C3orf22: variants seen among roughly 807,000 people sequenced by gnomAD.
The protein encoded by C3orf22 is uncharacterized protein C3orf22.
Under a neutral mutation model 10.8 loss-of-function variants are expected in C3orf22, and 7 were observed. The ratio of observed to expected loss-of-function variants is 0.65; its 90% CI spans 0.37 to 1.22. The LOEUF (loss-of-function observed/expected upper bound fraction) is 1.22, where lower values mean the gene tolerates loss of function less well. Among genes scored for constraint, C3orf22 ranks in the 50% most tolerant of loss-of-function variants. The probability of loss-of-function intolerance (pLI) is 0.02; values close to 1 mark genes in which losing one functional copy is unlikely to be tolerated. For synonymous variants in C3orf22, 79 were observed against 78.9 expected (o/e 1.00, Z 0.00); for missense variants, 173 against 177.0 (o/e 0.98, Z 0.13).
chr3:126,532,557 T>A (rs1468675687), intron 4 of C3orf22, among the ~76,000 whole-genome samples: 1 of 152,220 alleles, frequency 6.6e-6, no homozygotes, highest in Non-Finnish European at 1.5e-5. Flanking sequence ...CTTGGCTCCC[T>A]CATCAATAAT....
downstream of C3orf22, among the ~76,000 whole-genome samples, chr3:126,547,416 C>T (rs1277116824): frequency 6.6e-6 from 1 of 152,234 alleles, no homozygotes; most frequent in African/African-American, 2.4e-5. Context: ...AAACTCAGTG[C>T]ACAAGGCAGG....
downstream of C3orf22, among the ~76,000 whole-genome samples, chr3:126,547,651 T>C (rs921507532): frequency 1.6e-4 from 25 of 152,128 alleles, no homozygotes; most frequent in Admixed American, 7.2e-4. Flanking sequence ...CTGCCTATAG[T>C]GCAGGTGTGG....
At chr3:126,533,918 AT>A (rs1325073442) in intron 4 of C3orf22, among the ~76,000 whole-genome samples, 1 of 151,856 alleles carries the variant, frequency 6.6e-6, no homozygotes, top group Non-Finnish European at 1.5e-5. Context: ...GTCTGCTGAG[AT>A]TTTATATTTC....
At chr3:126,548,474 G>A (rs1268598917), downstream of C3orf22, among the ~76,000 whole-genome samples, 1 of 152,242 alleles carries the variant, frequency 6.6e-6, no homozygotes, top group Non-Finnish European at 1.5e-5. Context: ...ATATCAAACA[G>A]TGCATAGCTT....
chr3:126,536,423 C>T (rs551179629), intron 4 of C3orf22: 10 of 1,217,546 alleles, frequency 8.2e-6, no homozygotes, highest in Non-Finnish European at 1.2e-5. Flanking sequence ...AGCAACAGTG[C>T]AGACCTGCTG....
chr3:126,549,770 A>T lies in C3orf22; in HGVS notation c.*98T>A, dbSNP rs2107578956. 2 of 1,513,218 alleles carry T rather than the reference A, an allele frequency of 1.3e-6. No individual in the cohort carries two copies. Among genetic ancestry groups the T allele is most frequent in the South Asian group, 2.6e-5 (2 of 75,592 alleles). The allele number at this position is 1,513,218 out of a possible 1,614,324, so 93.7% of individuals were successfully genotyped here. On this transcript the variant is annotated 3_prime_UTR_variant, in exon 4 of 4. Transcript: ENST00000318225. ...AAACCACTCCCGGTCTATGATGGCC[A>T]TGAAGGCTGATCCCTTTACTAAAGT... is the stretch of plus-strand genomic sequence containing the variant.
chr3:126,538,356 T>A (rs1936843430), intron 4 of C3orf22, among the ~76,000 whole-genome samples: 1 of 152,152 alleles, frequency 6.6e-6, no homozygotes, highest in Non-Finnish European at 1.5e-5. Context: ...AGAAAGTGAG[T>A]GGTGGGGTAA....
intron 5 of C3orf22, among the ~76,000 whole-genome samples, chr3:126,528,755 G>A (rs1209838982): frequency 2.0e-5 from 3 of 152,114 alleles, no homozygotes; most frequent in Non-Finnish European, 4.4e-5. Flanking sequence ...AATGGAGTTT[G>A]AACTAAATAC....
downstream of C3orf22, among the ~76,000 whole-genome samples, chr3:126,548,559 G>A (rs1301258110): frequency 6.6e-6 from 1 of 152,230 alleles, no homozygotes; most frequent in East Asian, 1.9e-4. Context: ...CTCACAGGAA[G>A]GGACCCCAGG....
chr3:126,554,039 A>G (rs1274914682), intron 1 of C3orf22, among the ~76,000 whole-genome samples: 3 of 152,154 alleles, frequency 2.0e-5, no homozygotes, highest in Non-Finnish European at 2.9e-5. Flanking sequence ...GTTTTGAGAC[A>G]AGGTCTTGAT....
intron 2 of C3orf22, 38 bp downstream of exon 2, chr3:126,553,264 A>G: frequency 7.0e-7 from 1 of 1,422,214 alleles, no homozygotes; most frequent in Non-Finnish European, 1.0e-6. Flanking sequence ...GACCTGGGGG[A>G]GGCAGGGCTT....
chr3:126,529,643 C>T (rs918879913), intron 4 of C3orf22, among the ~76,000 whole-genome samples: 4 of 152,148 alleles, frequency 2.6e-5, no homozygotes, highest in East Asian at 1.9e-4. Context: ...GCAGTCCCCA[C>T]CATGCTTTGT....
intron 4 of C3orf22, chr3:126,542,406 A>T: frequency 6.4e-7 from 1 of 1,556,408 alleles, no homozygotes; most frequent in Non-Finnish European, 8.7e-7. Flanking sequence ...GGCGCATCCG[A>T]CCTGAGCTTC....
At chr3:126,551,918 G>T in intron 3 of C3orf22, 79 bp downstream of exon 3, 1 of 1,477,922 alleles carries the variant, frequency 6.8e-7, no homozygotes, top group Non-Finnish European at 9.1e-7. Context: ...ATGAACGTCT[G>T]CATGCAAAAC....
chr3:126,529,227 G>T lies in C3orf22; in HGVS notation c.*123C>A, dbSNP rs541092043. 54 of 965,180 alleles carry T rather than the reference G, an allele frequency of 5.6e-5. No homozygotes were observed. The African/African-American group carries it at 6.5e-4, about 12-fold the overall frequency. The allele number at this position is 965,180 out of a possible 1,614,324, so 59.8% of individuals were successfully genotyped here. ...AGGTTTCTAGTGTGGTGTTTCACCCGGTATCTTGATTGGCAGAGGAGGCCT... is the reference window on the plus strand; with the variant it reads ...AGGTTTCTAGTGTGGTGTTTCACCCTGTATCTTGATTGGCAGAGGAGGCCT... On this transcript the variant is annotated 3_prime_UTR_variant and NMD_transcript_variant, in exon 5 of 6. Coordinates refer to the C3orf22 transcript ENST00000505070.
chr3:126,539,248 A>C (rs1045483732), intron 4 of C3orf22, among the ~76,000 whole-genome samples: 3 of 152,126 alleles, frequency 2.0e-5, no homozygotes, highest in African/African-American at 7.2e-5. Flanking sequence ...GTCTGAACGT[A>C]TCTCTAAAAT....
At chr3:126,547,815 G>T (rs1394741737), downstream of C3orf22, among the ~76,000 whole-genome samples, 2 of 152,160 alleles carry the variant, frequency 1.3e-5, no homozygotes, top group African/African-American at 4.8e-5. Context: ...ACAGGGACAG[G>T]AATGCCTAGA....
intron 4 of C3orf22, chr3:126,542,407 C>T: frequency 6.4e-7 from 1 of 1,554,422 alleles, no homozygotes; most frequent in South Asian, 1.2e-5. Flanking sequence ...GCGCATCCGA[C>T]CTGAGCTTCC....
Position 126,536,049 on chromosome 3 carries a change from A to G in C3orf22, c.287-6677T>C, listed in dbSNP as rs563186879. Reference sequence around the variant, plus strand: ...ACCCTCCAACTTTGGAGGGTAGGACATGGGAGCAGGAATGACACAAGATAC... The same window carrying G: ...ACCCTCCAACTTTGGAGGGTAGGACGTGGGAGCAGGAATGACACAAGATAC... On this transcript the variant is annotated intron_variant and NMD_transcript_variant, in intron 4 of 5. Coordinates refer to the C3orf22 transcript ENST00000505070. Among the ~76,000 whole-genome samples, 12 of 152,276 alleles carry G rather than the reference A, an allele frequency of 7.9e-5. No individual in the cohort carries two copies. In the South Asian group the frequency reaches 2.5e-3, roughly 32 times the overall value.
Sources: allele counts gnomAD v4.1 joint callset (sites outside exome capture counted in the v4.1 genomes callset), GRCh38; gene constraint gnomAD v4.1.1; transcripts MANE v1.5; gene names NCBI Gene and HGNC (gene_info 2026-07-23, HGNC 2026-07-21).